The following PCDH15 variants were observed in gnomAD, a reference collection of about 807,000 sequenced individuals.
The protein encoded by PCDH15 is protocadherin related 15, also known as protocadherin-15.
PCDH15 carries 129 observed loss-of-function variants against 178.5 expected under a neutral mutation model. The observed-to-expected ratio is 0.72, with a 90% confidence interval of 0.63 to 0.84. The LOEUF (loss-of-function observed/expected upper bound fraction) is 0.84, where lower values mean the gene tolerates loss of function less well. Among genes scored for constraint, PCDH15 ranks in the 40% least tolerant of loss-of-function variants. The pLI, the probability that PCDH15 is intolerant of heterozygous loss-of-function variation, is 0.00. For synonymous variants in PCDH15, 800 were observed against 732.0 expected (o/e 1.09, Z -1.50); for missense variants, 2,230 against 2,099.9 (o/e 1.06, Z -1.21).
intron 2 of PCDH15, among the ~76,000 whole-genome samples, chr10:54,991,014 A>G (rs1481049312): frequency 6.6e-6 from 1 of 152,174 alleles, no homozygotes; most frequent in Non-Finnish European, 1.5e-5. Flanking sequence ...TTGTAAAATA[A>G]TAAAGCTCCA....
At chr10:55,412,405 A>G (rs1838360841) in intron 2 of PCDH15, among the ~76,000 whole-genome samples, 1 of 152,036 alleles carries the variant, frequency 6.6e-6, no homozygotes, top group African/African-American at 2.4e-5. Context: ...CTGTACCTAG[A>G]ATGCTTGATA....
intron 15 of PCDH15, among the ~76,000 whole-genome samples, chr10:54,127,293 T>A (rs1324606849): frequency 1.3e-5 from 2 of 152,190 alleles, no homozygotes; most frequent in African/African-American, 2.4e-5. Flanking sequence ...ACATTTGTTA[T>A]CCATTTGGCA....
At chr10:53,810,368 G>T (rs895275892) in intron 37 of PCDH15, among the ~76,000 whole-genome samples, 188 bp downstream of exon 37, 2 of 152,064 alleles carry the variant, frequency 1.3e-5, no homozygotes, top group African/African-American at 2.4e-5. Flanking sequence ...TAAATTAAAT[G>T]ATCAAGAATT....
At chr10:55,059,578 T>C (rs754671353) in intron 2 of PCDH15, among the ~76,000 whole-genome samples, 14 of 152,170 alleles carry the variant, frequency 9.2e-5, no homozygotes, top group Non-Finnish European at 1.8e-4. Context: ...ATCTGCAAAG[T>C]CACAAAGGCT....
At chr10:55,071,194 TG>T (rs1391747198) in intron 2 of PCDH15, among the ~76,000 whole-genome samples, 1 of 152,154 alleles carries the variant, frequency 6.6e-6, no homozygotes. Context: ...AATCAACTAA[TG>T]AGCAAAATAA....
chr10:55,244,357 T>C (rs888189292), intron 1 of PCDH15, among the ~76,000 whole-genome samples: 1 of 152,068 alleles, frequency 6.6e-6, no homozygotes, highest in East Asian at 1.9e-4. Context: ...CTAACATGTA[T>C]AGACCTCTAG....
At position 55,343,615 on chromosome 10, in the gene PCDH15, G is replaced by A. The variant is rs545537090; in HGVS notation, c.-155-176964C>T. ...TGAAAAAGAGATTCTAATTGATTCA[G>A]CCCATCTTGAAAAAAAAAAATCACA... On this transcript the variant is annotated intron_variant, in intron 2 of 5. Transcript: ENST00000613346. 3.9e-3 allele frequency among the ~76,000 whole-genome samples: 549 copies of A among 140,288 alleles called. 1 individual carries two copies. The highest frequency in any genetic ancestry group is 0.013 in the African/African-American group (507 of 39,884). The allele number at this position is 140,288 out of a possible 152,430, so 92.0% of individuals were successfully genotyped here. A position where few individuals can be genotyped will look rare whatever the true frequency, so the allele number is the denominator to read the frequency against.
chr10:55,327,315 T>G (rs1844058188), intron 2 of PCDH15, among the ~76,000 whole-genome samples: 1 of 152,092 alleles, frequency 6.6e-6, no homozygotes. Context: ...ATAAATTTCT[T>G]CTGTTTATAA....
Position 54,766,940 on chromosome 10 carries a change from A to AC in PCDH15, c.-29+33984_-29+33985insG, listed in dbSNP as rs1555187166. The stretch of plus-strand genomic sequence containing the variant: ...GCGAGACTCCATCTCAAAAAAACAA[A>AC]AAAAAAAATCTATCCACTATACACC... On this transcript the variant is annotated intron_variant, in intron 1 of 37. Transcript: ENST00000644397. Among the ~76,000 whole-genome samples, 1,412 of 151,778 alleles carry AC rather than the reference A, an allele frequency of 9.3e-3. 30 individuals carry two copies. Among genetic ancestry groups the AC allele is most frequent in the African/African-American group, 0.033 (1,358 of 41,392 alleles).
intron 7 of PCDH15, among the ~76,000 whole-genome samples, chr10:54,324,405 TATAC>T (rs1179637650): frequency 6.6e-5 from 10 of 152,250 alleles, no homozygotes; most frequent in African/African-American, 2.2e-4. Flanking sequence ...ATTTGAGAAA[TATAC>T]AACACCCTTG....
intron 32 of PCDH15, chr10:53,822,825 G>C: frequency 6.2e-7 from 1 of 1,614,026 alleles, no homozygotes; most frequent in East Asian, 2.2e-5. Flanking sequence ...CTCTTTCTCT[G>C]TCAAATTTGC....
chr10:55,215,742 T>C (rs913021105), intron 1 of PCDH15, among the ~76,000 whole-genome samples: 5 of 152,036 alleles, frequency 3.3e-5, no homozygotes, highest in African/African-American at 1.2e-4. Context: ...TTTATGAACA[T>C]CATGTAATGT....
intron 6 of PCDH15, among the ~76,000 whole-genome samples, chr10:54,342,525 C>A (rs1195806203): frequency 2.0e-5 from 3 of 152,118 alleles, no homozygotes; most frequent in Non-Finnish European, 4.4e-5. Context: ...AGGGGTGGAG[C>A]CCTCATGGAA....
intron 20 of PCDH15, among the ~76,000 whole-genome samples, chr10:54,015,526 C>T (rs1168781727): frequency 3.3e-5 from 5 of 152,106 alleles, no homozygotes; most frequent in Admixed American, 6.5e-5. Flanking sequence ...GTAACCAAAA[C>T]GGCATTGTCC....
rs560837504 is a variant in PCDH15, at chr10:53,822,503, A to T, written c.4368-2273T>A. The T allele has an allele frequency of 6.2e-7, 1 of 1,612,608 alleles. No individual in the cohort carries two copies. Among genetic ancestry groups the T allele is most frequent in the Non-Finnish European group, 8.5e-7 (1 of 1,179,436 alleles). On this transcript the variant is annotated intron_variant, in intron 32 of 37. Coordinates refer to ENST00000644397, the MANE Select transcript of PCDH15 (RefSeq NM_001384140.1). Reference sequence around the variant, plus strand: ...GAGGGGGAAGGGGACAGGCAGAAGGAGAGATGTTTGGTGGATGGGCAAAAT... The same window carrying T: ...GAGGGGGAAGGGGACAGGCAGAAGGTGAGATGTTTGGTGGATGGGCAAAAT...
chr10:54,454,063 CAG>C (rs2076654500), intron 3 of PCDH15, among the ~76,000 whole-genome samples: 1 of 150,370 alleles, frequency 6.7e-6, no homozygotes, highest in Non-Finnish European at 1.5e-5. Context: ...TTAAATATAA[CAG>C]ATTTATAGAT....
At chr10:54,966,088 T>G (rs1433516499) in intron 2 of PCDH15, among the ~76,000 whole-genome samples, 1 of 151,550 alleles carries the variant, frequency 6.6e-6, no homozygotes, top group Non-Finnish European at 1.5e-5. Context: ...ATACAGAATA[T>G]TCTATAGGAA....
At chr10:54,891,499 T>C (rs1954462092) in intron 3 of PCDH15, among the ~76,000 whole-genome samples, 1 of 152,090 alleles carries the variant, frequency 6.6e-6, no homozygotes, top group South Asian at 2.1e-4. Flanking sequence ...GCCTACAACA[T>C]TTGTGAGAAG....
At chr10:53,945,169 A>G (rs1184252364) in intron 23 of PCDH15, among the ~76,000 whole-genome samples, 1 of 152,206 alleles carries the variant, frequency 6.6e-6, no homozygotes, top group East Asian at 1.9e-4. Flanking sequence ...TTTGTTTTTA[A>G]TAAAAATGTT....
Sources: gnomAD v4.1 joint callset for allele counts (sites outside exome capture counted in the v4.1 genomes callset) on GRCh38, gnomAD v4.1.1 for gene constraint, MANE v1.5 for transcripts, NCBI Gene and HGNC (gene_info 2026-07-23, HGNC 2026-07-21) for gene names.